TRHDE: variants seen among roughly 807,000 people sequenced by gnomAD.
The protein encoded by TRHDE is thyrotropin releasing hormone degrading enzyme, also known as thyrotropin-releasing hormone-degrading ectoenzyme.
TRHDE carries 72 observed loss-of-function variants against 125.7 expected under a neutral mutation model. That is an observed-to-expected ratio of 0.57 (90% CI 0.47 to 0.70). TRHDE has a LOEUF of 0.70. Among genes scored for constraint, TRHDE ranks in the 30% least tolerant of loss-of-function variants. TRHDE has a pLI of 0.00. For missense variants in TRHDE, 1,110 were observed against 1,327.1 expected (o/e 0.84, Z 2.54); for synonymous variants, 509 against 509.1 (o/e 1.00, Z 0.00).
intron 3 of TRHDE, among the ~76,000 whole-genome samples, chr12:72,417,256 T>C (rs567869710): frequency 6.6e-6 from 1 of 152,064 alleles, no homozygotes; most frequent in Non-Finnish European, 1.5e-5. Context: ...AGTGTAGTAA[T>C]CACAAACAGG....
At chr12:72,350,044 T>A (rs1183208571) in intron 2 of TRHDE, among the ~76,000 whole-genome samples, 1 of 152,016 alleles carries the variant, frequency 6.6e-6, no homozygotes, top group Admixed American at 6.6e-5. Flanking sequence ...ATTTTCCATA[T>A]TCCATATACT....
intron 7 of TRHDE, among the ~76,000 whole-genome samples, chr12:72,550,339 A>G (rs577342374): frequency 6.6e-6 from 1 of 152,186 alleles, no homozygotes; most frequent in African/African-American, 2.4e-5. Context: ...GTGCTAGTTC[A>G]GTAGTACAAT....
chr12:72,358,802 T>C (rs1592567136), intron 2 of TRHDE, among the ~76,000 whole-genome samples: 1 of 151,620 alleles, frequency 6.6e-6, no homozygotes, highest in South Asian at 2.1e-4. Context: ...TAGAATTGAA[T>C]GTAATTGCAG....
At chr12:72,433,303 G>A (rs1160593775) in intron 3 of TRHDE, among the ~76,000 whole-genome samples, 1 of 152,038 alleles carries the variant, frequency 6.6e-6, no homozygotes, top group Non-Finnish European at 1.5e-5. Flanking sequence ...GAGTAATACA[G>A]CCTTCATAGA....
At chr12:72,257,679 C>T (rs1212238441) in intron 2 of TRHDE, 1 of 152,086 alleles carries the variant, frequency 6.6e-6, no homozygotes, top group Non-Finnish European at 1.5e-5. Flanking sequence ...CCTTTTATTA[C>T]TAAAGAATGG....
chr12:72,352,066 C>T (rs114310692), intron 2 of TRHDE, among the ~76,000 whole-genome samples: 11 of 151,910 alleles, frequency 7.2e-5, no homozygotes, highest in African/African-American at 2.7e-4. Flanking sequence ...AGTAATTTCA[C>T]CTTTGTGCAA....
At chr12:72,568,753 A>G in intron 10 of TRHDE, 97 bp downstream of exon 10, 1 of 716,236 alleles carries the variant, frequency 1.4e-6, no homozygotes, top group East Asian at 2.6e-5. Flanking sequence ...GTGAATAAAG[A>G]CAAATTAGAA....
chr12:72,456,427 A>G (rs932251429), intron 3 of TRHDE, among the ~76,000 whole-genome samples: 1 of 152,158 alleles, frequency 6.6e-6, no homozygotes, highest in African/African-American at 2.4e-5. Context: ...TTTCATTTTA[A>G]TAACTATTTA....
chr12:72,499,735 T>C (rs913173250), intron 6 of TRHDE, 100 bp downstream of exon 6: 10 of 1,292,876 alleles, frequency 7.7e-6, no homozygotes, highest in Non-Finnish European at 1.1e-5. Context: ...TCCGGGCAGA[T>C]AGACATAGAC....
At chr12:72,495,060 G>GTTTTTTTTTTTTTTTTTTT (rs751243542) in intron 5 of TRHDE, among the ~76,000 whole-genome samples, 8 of 58,390 alleles carry the variant, frequency 1.4e-4, no homozygotes, top group African/African-American at 2.2e-4. Flanking sequence ...TTCCTCCCCC[G>GTTTTTTTTTTTTTTTTTTT]TTTTTTTTTT....
At chr12:72,482,270 C>T (rs1488730560) in intron 5 of TRHDE, among the ~76,000 whole-genome samples, 1 of 151,414 alleles carries the variant, frequency 6.6e-6, no homozygotes, top group Non-Finnish European at 1.5e-5. Context: ...TTTATTGGCT[C>T]TTAGCTGACC....
chr12:72,320,176 A>G lies in TRHDE; in HGVS notation c.1188+33222A>G, dbSNP rs569256080. Among the ~76,000 whole-genome samples the G allele has an allele frequency of 3.9e-5, 6 of 152,250 alleles. No individual in the cohort carries two copies. The South Asian group carries it at 6.2e-4, about 16-fold the overall frequency. On this transcript the variant is annotated intron_variant, in intron 2 of 18. Coordinates refer to ENST00000261180, the MANE Select transcript of TRHDE (RefSeq NM_013381.3). ...ATGAGGAGTGTATATGCATACACACATAGAGGCATGTACATACATATACGT... is the reference window on the plus strand; with the variant it reads ...ATGAGGAGTGTATATGCATACACACGTAGAGGCATGTACATACATATACGT...
At chr12:72,641,511 G>A (rs934265667) in intron 15 of TRHDE, among the ~76,000 whole-genome samples, 1 of 152,010 alleles carries the variant, frequency 6.6e-6, no homozygotes, top group Non-Finnish European at 1.5e-5. Context: ...TGTTATTTTT[G>A]TAAACTTATG....
chr12:72,567,354 G>A (rs1056271532), intron 9 of TRHDE, among the ~76,000 whole-genome samples: 1 of 151,622 alleles, frequency 6.6e-6, no homozygotes, highest in Non-Finnish European at 1.5e-5. Flanking sequence ...TTAAAATTAA[G>A]AACTGTAAAC....
chr12:72,362,171 TC>T (rs1484519740), intron 2 of TRHDE, among the ~76,000 whole-genome samples: 1 of 138,180 alleles, frequency 7.2e-6, no homozygotes, highest in African/African-American at 2.7e-5. Context: ...TAGTTTACAG[TC>T]CCACCAACAG....
intron 2 of TRHDE, among the ~76,000 whole-genome samples, chr12:72,107,643 G>T (rs528158902): frequency 6.6e-6 from 1 of 152,092 alleles, no homozygotes; most frequent in South Asian, 2.1e-4. Context: ...AAATCCTAAA[G>T]GTGCCCATGG....
chr12:72,626,620 G>A (rs1407671686), intron 15 of TRHDE, among the ~76,000 whole-genome samples: 1 of 151,904 alleles, frequency 6.6e-6, no homozygotes, highest in African/African-American at 2.4e-5. Context: ...TTGGCCTCCT[G>A]GCAAATATAA....
intron 18 of TRHDE, among the ~76,000 whole-genome samples, chr12:72,657,843 C>T (rs183931936): frequency 2.6e-5 from 4 of 152,186 alleles, no homozygotes; most frequent in Admixed American, 1.3e-4. Context: ...ACATTGATGG[C>T]CTTTTCTTGT....
At chr12:72,403,795 A>G (rs758877479) in intron 3 of TRHDE, among the ~76,000 whole-genome samples, 3 of 152,180 alleles carry the variant, frequency 2.0e-5, no homozygotes, top group Non-Finnish European at 2.9e-5. Context: ...TGAAGTGGAT[A>G]GTCAGAATAG....
Sources: allele counts gnomAD v4.1 joint callset (sites outside exome capture counted in the v4.1 genomes callset), GRCh38; gene constraint gnomAD v4.1.1; transcripts MANE v1.5; gene names NCBI Gene and HGNC (gene_info 2026-07-23, HGNC 2026-07-21).